Variants in NALCN observed in about 807,000 individuals in gnomAD.
The protein encoded by NALCN is sodium leak channel, non-selective.
NALCN carries 111 observed loss-of-function variants against 225.3 expected under a neutral mutation model. The ratio of observed to expected loss-of-function variants is 0.49; its 90% CI spans 0.42 to 0.58. The LOEUF (loss-of-function observed/expected upper bound fraction) is 0.58, where lower values mean the gene tolerates loss of function less well. NALCN is among the 20% of genes least tolerant of loss of function. The pLI is 0.00. For synonymous variants in NALCN, 764 were observed against 769.0 expected, an observed-to-expected ratio of 0.99 and a Z score of 0.11; for missense variants, 1,378 against 2,202.4, an observed-to-expected ratio of 0.63 and a Z score of 7.49.
intron 13 of NALCN, among the ~76,000 whole-genome samples, chr13:101,227,525 G>A (rs1339368870): frequency 6.6e-6 from 1 of 152,118 alleles, no homozygotes; most frequent in Non-Finnish European, 1.5e-5. Context: ...CCAAGTCTGG[G>A]GTGAATTAAG....
At chr13:101,398,672 GACA>G (rs1422062268) in intron 2 of NALCN, among the ~76,000 whole-genome samples, 1 of 152,082 alleles carries the variant, frequency 6.6e-6, no homozygotes, top group Non-Finnish European at 1.5e-5. Flanking sequence ...CAGGAACGTT[GACA>G]ACAAGTAAAG....
intron 9 of NALCN, among the ~76,000 whole-genome samples, chr13:101,291,356 A>G (rs1403066957): frequency 2.0e-5 from 3 of 152,196 alleles, no homozygotes; most frequent in Non-Finnish European, 4.4e-5. Flanking sequence ...TAGTGGTTGC[A>G]TTTTATCCAC....
At chr13:101,314,963 T>C (rs922789961) in intron 7 of NALCN, among the ~76,000 whole-genome samples, 3 of 115,130 alleles carry the variant, frequency 2.6e-5, no homozygotes, top group Non-Finnish European at 3.8e-5. Context: ...AAAGTGATGC[T>C]GCCTGAACGT....
intron 9 of NALCN, among the ~76,000 whole-genome samples, chr13:101,289,578 A>T (rs1350349919): frequency 6.8e-6 from 1 of 148,026 alleles, no homozygotes; most frequent in East Asian, 2.0e-4. Flanking sequence ...CATGGCTGTT[A>T]TGGGAAGTCT....
chr13:101,083,225 C>T (rs748839917), intron 31 of NALCN, 27 bp from the exon 32 acceptor site: 3 of 1,554,274 alleles, frequency 1.9e-6, no homozygotes, highest in Admixed American at 1.7e-5. Flanking sequence ...TGGGCAAGGG[C>T]ATTTTAGACA....
At position 101,360,821 on chromosome 13, in the gene NALCN, G is replaced by A. The variant is rs1377467468; in HGVS notation, c.645-15401C>T. Among the ~76,000 whole-genome samples the A allele has an allele frequency of 2.0e-5, 3 of 152,156 alleles. No individual in the cohort carries two copies. In the East Asian group the frequency reaches 5.8e-4, roughly 29 times the overall value. ...CTCTAATTACCTCTGGTGCTCCTTG[G>A]ACATTTCTGGGGAAATAGTCTTAAG... is the stretch of plus-strand genomic sequence containing the variant. On this transcript the variant is annotated intron_variant, in intron 6 of 43. Coordinates refer to ENST00000251127, the MANE Select transcript of NALCN (RefSeq NM_052867.4).
intron 6 of NALCN, among the ~76,000 whole-genome samples, chr13:101,367,878 G>C (rs1023924605): frequency 3.9e-5 from 6 of 152,038 alleles, no homozygotes; most frequent in Non-Finnish European, 8.8e-5. Flanking sequence ...GTGGTGTCTT[G>C]ATGTGGCGTC....
At chr13:101,329,644 G>A (rs750179933) in intron 7 of NALCN, among the ~76,000 whole-genome samples, 1 of 152,074 alleles carries the variant, frequency 6.6e-6, no homozygotes, top group Non-Finnish European at 1.5e-5. Context: ...TTAATAAAAT[G>A]CATTTTATAT....
In NALCN at chr13:101,115,697, A is replaced by G. The variant is rs1326480746; in HGVS notation, c.2193-4471T>C. Among the ~76,000 whole-genome samples the G allele has an allele frequency of 2.0e-5, 3 of 152,088 alleles. No homozygotes were observed. The East Asian group carries it at 5.8e-4, about 29-fold the overall frequency. On this transcript the variant is annotated intron_variant, in intron 18 of 43. Transcript: ENST00000251127. The stretch of plus-strand genomic sequence containing the variant: ...GTGCATTTTCAGAAAGAAAATGCTC[A>G]TTTATTTGCTTCCCAGAGTAAAGGC...
At chr13:101,380,066 T>C (rs548907530) in intron 3 of NALCN, among the ~76,000 whole-genome samples, 60 of 137,444 alleles carry the variant, frequency 4.4e-4, no homozygotes, top group Middle Eastern at 3.7e-3. Flanking sequence ...ACTGTATATA[T>C]GTGGATGTAT....
intron 12 of NALCN, among the ~76,000 whole-genome samples, chr13:101,231,788 C>T (rs2041357884): frequency 6.6e-6 from 1 of 151,918 alleles, no homozygotes; most frequent in Admixed American, 6.6e-5. Context: ...TCTAAAATAA[C>T]ATTTGTTTCT....
chr13:101,117,800 C>T (rs766100817), intron 18 of NALCN, among the ~76,000 whole-genome samples: 15 of 152,114 alleles, frequency 9.9e-5, no homozygotes, highest in Non-Finnish European at 1.8e-4. Context: ...CAAGTTTTGG[C>T]AATTAGGAAT....
intron 36 of NALCN, among the ~76,000 whole-genome samples, chr13:101,074,109 C>A (rs1185257187): frequency 6.6e-6 from 1 of 151,930 alleles, no homozygotes; most frequent in Non-Finnish European, 1.5e-5. Flanking sequence ...ATATTACAAC[C>A]ATTTGGGGGG....
At chr13:101,370,994 G>A (rs1024670163) in intron 6 of NALCN, among the ~76,000 whole-genome samples, 3 of 152,040 alleles carry the variant, frequency 2.0e-5, no homozygotes, top group Non-Finnish European at 4.4e-5. Flanking sequence ...TTATGTAAAT[G>A]GAATAATAGA....
intron 18 of NALCN, among the ~76,000 whole-genome samples, chr13:101,120,926 C>A (rs113674014): frequency 3.3e-5 from 5 of 152,162 alleles, no homozygotes; most frequent in Non-Finnish European, 7.4e-5. Flanking sequence ...TCTAAACAGA[C>A]CTCCATCCTA....
intron 20 of NALCN, 39 bp from the exon 21 acceptor site, chr13:101,107,828 G>A (rs1031006612): frequency 6.6e-7 from 1 of 1,525,986 alleles, no homozygotes; most frequent in Non-Finnish European, 8.9e-7. Flanking sequence ...AAAACAGGAG[G>A]GTTTTGAATG....
At chr13:101,346,758 C>T (rs1329459494) in intron 6 of NALCN, among the ~76,000 whole-genome samples, 5 of 152,142 alleles carry the variant, frequency 3.3e-5, no homozygotes, top group African/African-American at 1.2e-4. Flanking sequence ...TGACTGTAGA[C>T]TCTCATTCTG....
chr13:101,155,361 C>A (rs564865089), intron 15 of NALCN, among the ~76,000 whole-genome samples: 3 of 152,310 alleles, frequency 2.0e-5, no homozygotes, highest in African/African-American at 7.2e-5. Flanking sequence ...TCTGAAGTTT[C>A]TCTTGGCTGT....
At chr13:101,192,178 A>T in intron 13 of NALCN, 124 bp from the exon 14 acceptor site, 4 of 1,070,356 alleles carry the variant, frequency 3.7e-6, no homozygotes, top group Non-Finnish European at 5.2e-6. Flanking sequence ...CAGGGCAAGA[A>T]CAGTCTTGAT....
Sources: allele counts gnomAD v4.1 joint callset (sites outside exome capture counted in the v4.1 genomes callset), GRCh38; gene constraint gnomAD v4.1.1; transcripts MANE v1.5; gene names NCBI Gene and HGNC (gene_info 2026-07-23, HGNC 2026-07-21).